NSD1: variants seen among roughly 807,000 people sequenced by gnomAD.
NSD1 encodes histone-lysine N-methyltransferase, H3 lysine-36 specific.
A neutral mutation model predicts 242.7 loss-of-function variants in NSD1; 26 were observed. That is an observed-to-expected ratio of 0.11 (90% CI 0.08 to 0.15). The LOEUF (loss-of-function observed/expected upper bound fraction) is 0.15, where lower values mean the gene tolerates loss of function less well. Among genes scored for constraint, NSD1 ranks in the 10% least tolerant of loss-of-function variants. The pLI, the probability that NSD1 is intolerant of heterozygous loss-of-function variation, is 1.00. For missense variants in NSD1, 2,495 were observed against 3,272.8 expected, an observed-to-expected ratio of 0.76 and a Z score of 5.80; for synonymous variants, 1,106 against 1,178.1, an observed-to-expected ratio of 0.94 and a Z score of 1.25.
intron 20 of NSD1, among the ~76,000 whole-genome samples, chr5:177,287,311 T>G (rs1412677864): frequency 6.6e-6 from 1 of 152,232 alleles, no homozygotes; most frequent in Non-Finnish European, 1.5e-5. Context: ...ATCTATAAAA[T>G]TTTAGTTATC....
intron 2 of NSD1, chr5:177,169,427 G>T: frequency 1.3e-5 from 2 of 156,746 alleles, no homozygotes; most frequent in South Asian, 3.6e-4. Context: ...ACAACTTCTT[G>T]GGTAAGTTGT....
At chr5:177,220,013 G>T (rs1283152533) in intron 5 of NSD1, among the ~76,000 whole-genome samples, 2 of 151,938 alleles carry the variant, frequency 1.3e-5, no homozygotes, top group Non-Finnish European at 1.5e-5. Flanking sequence ...ATGTGCTTTT[G>T]ACAAGAATGT....
chr5:177,261,975 G>A (rs1757031873), intron 14 of NSD1, among the ~76,000 whole-genome samples: 1 of 152,198 alleles, frequency 6.6e-6, no homozygotes, highest in Non-Finnish European at 1.5e-5. Flanking sequence ...CAAAGTCCAA[G>A]TTTGAATTCT....
At position 177,269,065 on chromosome 5, in the gene NSD1, G is replaced by A. The variant is rs182293901; in HGVS notation, c.5304-537G>A. Among the ~76,000 whole-genome samples, 1 of 152,232 alleles carries A rather than the reference G, an allele frequency of 6.6e-6. No individual in the cohort carries two copies. The highest frequency in any genetic ancestry group is 1.5e-5 in the Non-Finnish European group (1 of 68,010). ...TAGAGGTTTCCAGCTTTAATAGGTA[G>A]TGCCAAATTGTCTCCCTAAAGTGGC... On this transcript the variant is annotated intron_variant, in intron 15 of 22. Coordinates refer to ENST00000439151, the MANE Select transcript of NSD1 (RefSeq NM_022455.5). The surrounding 1 kb of genome is among the most constrained non-coding windows in gnomAD (Gnocchi z 5.1).
Position 177,256,984 on chromosome 5 carries a change from G to A in NSD1, c.4799G>A (p.Gly1600Glu). The change falls in exon 13 of 23, where the codon GGG becomes GAG. Residue 1600 changes from glycine (G) to glutamate (E), a missense_variant. Gly to Glu is a moderately conservative substitution (Grantham distance 98). Around this residue, in one of 19 missense-constraint regions of NSD1, gnomAD observed 27 missense variants for 43.1 expected, o/e 0.63. Transcript: ENST00000439151. ...IHTCFVCKQS[G>E]EDVKRCLLPL... ...ACCTGTTTTGTATGTAAGCAGAGTGGGGAAGATGTTAAAAGGTGCCTTCTA... is the reference window on the plus strand; with the variant it reads ...ACCTGTTTTGTATGTAAGCAGAGTGAGGAAGATGTTAAAAGGTGCCTTCTA... 1 of 1,614,030 alleles carries A rather than the reference G, an allele frequency of 6.2e-7. No individual in the cohort carries two copies.
At chr5:177,244,761 A>G (rs1470571751) in intron 9 of NSD1, among the ~76,000 whole-genome samples, 1 of 152,192 alleles carries the variant, frequency 6.6e-6, no homozygotes, top group Admixed American at 6.5e-5. Flanking sequence ...TCTGCTAGCA[A>G]AGAGTATCAT....
At chr5:177,224,774 G>A (rs996081817) in intron 5 of NSD1, among the ~76,000 whole-genome samples, 2 of 151,174 alleles carry the variant, frequency 1.3e-5, no homozygotes, top group Non-Finnish European at 1.5e-5. Context: ...GATGTTAGGA[G>A]GAAATAATTG....
chr5:177,156,166 C>G (rs1758116296), intron 2 of NSD1, among the ~76,000 whole-genome samples: 1 of 138,096 alleles, frequency 7.2e-6, no homozygotes, highest in Admixed American at 7.4e-5. Context: ...TTCCCTCGCT[C>G]TTTTCAGATT....
At chr5:177,177,623 C>T (rs1411288076) in intron 2 of NSD1, among the ~76,000 whole-genome samples, 1 of 152,098 alleles carries the variant, frequency 6.6e-6, no homozygotes, top group Non-Finnish European at 1.5e-5. Flanking sequence ...GCACTCCAGC[C>T]TGGGTGACAG....
chr5:177,227,528 C>T (rs1464479080), intron 5 of NSD1, among the ~76,000 whole-genome samples: 2 of 152,008 alleles, frequency 1.3e-5, no homozygotes, highest in Non-Finnish European at 2.9e-5. Flanking sequence ...CTTACTGCAA[C>T]CTCCGCCTCC....
Position 177,204,296 on chromosome 5 carries a change from G to A in NSD1, c.1236+4G>A. 2 of 1,612,876 alleles carry A rather than the reference G, an allele frequency of 1.2e-6. No individual in the cohort carries two copies. The stretch of plus-strand genomic sequence containing the variant: ...AGAAAAAGGATATAGGCATAAGGTA[G>A]GAAACGAAAAAGGCTTTTTATTGAG... On this transcript the variant is annotated splice_donor_region_variant and intron_variant, in intron 4 of 22. Coordinates refer to ENST00000439151, the MANE Select transcript of NSD1 (RefSeq NM_022455.5).
upstream of NSD1, among the ~76,000 whole-genome samples, chr5:177,132,060 G>C (rs1280074921): frequency 6.6e-6 from 1 of 152,226 alleles, no homozygotes; most frequent in African/African-American, 2.4e-5. The surrounding 1 kb of genome is among the most constrained non-coding windows in gnomAD (Gnocchi z 7.5). Context: ...CCGCTGTCTT[G>C]GGGGATTGGA....
intron 2 of NSD1, among the ~76,000 whole-genome samples, chr5:177,161,227 A>T (rs1033907185): frequency 2.0e-5 from 3 of 152,084 alleles, no homozygotes; most frequent in Non-Finnish European, 4.4e-5. Flanking sequence ...CTACAAAAAA[A>T]ATAAATTAGC....
intron 14 of NSD1, chr5:177,265,447 C>T: frequency 1.6e-6 from 1 of 611,780 alleles, no homozygotes; most frequent in Non-Finnish European, 2.9e-6. Flanking sequence ...CCTCCCCATC[C>T]CCCCAGCCCA....
intron 2 of NSD1, among the ~76,000 whole-genome samples, chr5:177,190,765 G>A (rs1581250953): frequency 6.6e-6 from 1 of 151,160 alleles, no homozygotes; most frequent in African/African-American, 2.4e-5. Flanking sequence ...CGCCTCCTGG[G>A]TTCACGCCAT....
At chr5:177,181,307 A>C (rs1477814261) in intron 2 of NSD1, among the ~76,000 whole-genome samples, 1 of 152,086 alleles carries the variant, frequency 6.6e-6, no homozygotes, top group Non-Finnish European at 1.5e-5. Context: ...CCAAAAAGAG[A>C]GAAAGAAGCT....
At chr5:177,256,091 T>C (rs989630356) in intron 12 of NSD1, among the ~76,000 whole-genome samples, 7 of 152,142 alleles carry the variant, frequency 4.6e-5, no homozygotes, top group African/African-American at 1.7e-4. Flanking sequence ...TTTTCTCATT[T>C]GTCTCAGGGA....
At chr5:177,241,662 G>A (rs1341384082) in intron 8 of NSD1, among the ~76,000 whole-genome samples, 1 of 152,126 alleles carries the variant, frequency 6.6e-6, no homozygotes, top group East Asian at 1.9e-4. Context: ...TGGGATCAGA[G>A]CAAGAGAAAA....
intron 16 of NSD1, among the ~76,000 whole-genome samples, chr5:177,271,766 C>G (rs1004924410): frequency 2.0e-5 from 3 of 152,006 alleles, no homozygotes; most frequent in Non-Finnish European, 2.9e-5. Context: ...GAAACTTTAG[C>G]CTGGGACATT....
Sources: allele counts gnomAD v4.1 joint callset (sites outside exome capture counted in the v4.1 genomes callset), GRCh38; gene constraint gnomAD v4.1.1; regional missense constraint gnomAD v4.1.1; non-coding constraint Gnocchi (gnomAD v3.1); transcripts MANE v1.5; gene names NCBI Gene and HGNC (gene_info 2026-07-23, HGNC 2026-07-21).